UCHL1: variants seen among roughly 807,000 people sequenced by gnomAD.
UCHL1 encodes ubiquitin carboxyl-terminal hydrolase isozyme L1.
In UCHL1, 5 loss-of-function variants were observed where a neutral mutation model predicts 33.3. The ratio of observed to expected loss-of-function variants is 0.15; its 90% CI spans 0.08 to 0.32. The LOEUF (loss-of-function observed/expected upper bound fraction) is 0.32, where lower values mean the gene tolerates loss of function less well. Ranked by LOEUF, UCHL1 falls within the 10% of genes least tolerant of loss-of-function variation. UCHL1 has a pLI of 1.00. For missense variants in UCHL1, 236 were observed against 280.0 expected (o/e 0.84, Z 1.12); for synonymous variants, 132 against 108.8 (o/e 1.21, Z -1.33).
At chr4:41,263,379 G>A in intron 7 of UCHL1, 88 bp downstream of exon 7, 1 of 1,247,240 alleles carries the variant, frequency 8.0e-7, no homozygotes, top group Non-Finnish European at 1.2e-6. Context: ...TGACTTTATG[G>A]CACTTGGCAT....
At chr4:41,267,943 T>G in intron 8 of UCHL1, 44 bp from the exon 9 acceptor site, 109 of 1,560,906 alleles carry the variant, frequency 7.0e-5, no homozygotes, top group Non-Finnish European at 9.0e-5. Context: ...ACTTTCATTT[T>G]GAGCTCTTGC....
chr4:41,257,384 G>T (rs1780995106), intron 2 of UCHL1: 4 of 879,350 alleles, frequency 4.5e-6, no homozygotes, highest in South Asian at 3.7e-5. Flanking sequence ...GGCGTGGCGC[G>T]GGCAGCACAG....
intron 8 of UCHL1, among the ~76,000 whole-genome samples, chr4:41,267,559 T>C (rs1239388634): frequency 6.6e-6 from 1 of 152,228 alleles, no homozygotes; most frequent in Non-Finnish European, 1.5e-5. Flanking sequence ...TTAAGGCTGT[T>C]TTTTAAAATG....
At position 41,268,029 on chromosome 4, in the gene UCHL1, G is replaced by A; in HGVS notation, c.628G>A (p.Gly210Arg). 1 of 1,613,712 alleles carries A rather than the reference G, an allele frequency of 6.2e-7. No homozygotes were observed. The highest frequency in any genetic ancestry group is 8.5e-7 in the Non-Finnish European group (1 of 1,179,864). The change falls in exon 9 of 9, where the codon GGA becomes AGA. Residue 210 changes from glycine (G) to arginine (R), a missense_variant. Transcript: ENST00000284440. ...VCREFTEREQ[G>R]EVRFSAVALC... Reference sequence around the variant, plus strand: ...CAGAGAATTCACCGAGCGTGAGCAAGGAGAAGTCCGCTTCTCTGCCGTGGC... The same window carrying A: ...CAGAGAATTCACCGAGCGTGAGCAAAGAGAAGTCCGCTTCTCTGCCGTGGC...
chr4:41,257,476 C>A, intron 2 of UCHL1, 133 bp from the exon 3 acceptor site: 1 of 1,219,060 alleles, frequency 8.2e-7, no homozygotes, highest in Non-Finnish European at 1.1e-6. Flanking sequence ...GTGGGGGTGG[C>A]AGGGCGGGAC....
At chr4:41,265,449 A>G (rs1781136505) in intron 8 of UCHL1, among the ~76,000 whole-genome samples, 1 of 152,170 alleles carries the variant, frequency 6.6e-6, no homozygotes, top group African/African-American at 2.4e-5. Context: ...CTGGTGGTGC[A>G]TTCCTGTAGT....
intron 7 of UCHL1, 40 bp downstream of exon 7, chr4:41,263,331 T>C (rs758420359): frequency 5.1e-6 from 8 of 1,575,038 alleles, no homozygotes; most frequent in Non-Finnish European, 7.0e-6. Context: ...TGTAGTTTCA[T>C]GTGTTCTTTC....
chr4:41,265,409 C>G (rs947016121), intron 8 of UCHL1, among the ~76,000 whole-genome samples: 1 of 152,134 alleles, frequency 6.6e-6, no homozygotes, highest in African/African-American at 2.4e-5. Context: ...GAAACCCCAT[C>G]TCTACTAAAA....
chr4:41,261,877 C>A lies in UCHL1; in HGVS notation c.413C>A (p.Ala138Asp). The change falls in exon 6 of 9, where the codon GCC (alanine) becomes GAC (aspartate). Residue 138 changes from alanine to aspartate, a missense_variant and splice_region_variant. Coordinates refer to ENST00000284440, the MANE Select transcript of UCHL1 (RefSeq NM_004181.5). ...DRAKCFEKNE[A>D]IQAAHDAVAQ... ...CTAATTATTTTCTTTTTTCCGCAGGCCATACAGGCAGCCCATGATGCCGTG... is the reference window on the plus strand; with the variant it reads ...CTAATTATTTTCTTTTTTCCGCAGGACATACAGGCAGCCCATGATGCCGTG... 6.2e-7 allele frequency: 1 copy of A among 1,614,112 alleles called. No homozygotes were observed. Among genetic ancestry groups the A allele is most frequent in the Non-Finnish European group, 8.5e-7 (1 of 1,180,034 alleles).
At position 41,257,267 on chromosome 4, in the gene UCHL1, G is replaced by GCCTTTCCTGGGCC. The variant is rs1162727683; in HGVS notation, c.45+145_45+157dup. The GCCTTTCCTGGGCC allele has an allele frequency of 3.8e-5, 51 of 1,329,496 alleles. No individual in the cohort carries two copies. In the African/African-American group the frequency reaches 6.9e-4, roughly 18 times the overall value. The allele number at this position is 1,329,496 out of a possible 1,614,324, so 82.4% of individuals were successfully genotyped here. On this transcript the variant is annotated intron_variant, in intron 2 of 8. Coordinates refer to ENST00000284440, the MANE Select transcript of UCHL1 (RefSeq NM_004181.5). Reference sequence around the variant, plus strand: ...GGCCGGGCTGGGGCGTGGGCTGGGCGCCTTTCCTGGGCCCCTGCATTTAGC... The same window carrying GCCTTTCCTGGGCC: ...GGCCGGGCTGGGGCGTGGGCTGGGCGCCTTTCCTGGGCCCCTTTCCTGGGCCCCTGCATTTAGC...
intron 7 of UCHL1, 147 bp downstream of exon 7, chr4:41,263,438 T>A: frequency 1.2e-6 from 1 of 822,340 alleles, no homozygotes; most frequent in South Asian, 1.4e-5. Context: ...TGAGGGCACT[T>A]AACCCCTTAT....
chr4:41,260,943 T>G, intron 4 of UCHL1, 146 bp downstream of exon 4: 4 of 1,225,838 alleles, frequency 3.3e-6, no homozygotes, highest in Admixed American at 3.8e-5. Flanking sequence ...TGACTCACAG[T>G]CCTCCTCAGA....
At chr4:41,257,157 C>T (rs1780988822) in intron 2 of UCHL1, 31 bp downstream of exon 2, 1 of 1,611,708 alleles carries the variant, frequency 6.2e-7, no homozygotes, top group African/African-American at 1.3e-5. Flanking sequence ...TCTCTGGCCC[C>T]CTCCCCCGCG....
rs753389158 is a variant in UCHL1 at position 41,268,133 on chromosome 4, C to T, written c.*60C>T. 3 of 1,467,196 alleles carry T rather than the reference C, an allele frequency of 2.0e-6. No individual in the cohort carries two copies. The highest frequency in any genetic ancestry group is 2.3e-5 in the East Asian group (1 of 43,614). The allele number at this position is 1,467,196 out of a possible 1,614,324, so 90.9% of individuals were successfully genotyped here. A position where few individuals can be genotyped will look rare whatever the true frequency, so the allele number is the denominator to read the frequency against. The stretch of plus-strand genomic sequence containing the variant: ...TTCCCTTCAACATGAAAATATATAC[C>T]CCCCCATGCAGTCTAAAATGCTTCA... On this transcript the variant is annotated 3_prime_UTR_variant, in exon 9 of 9. Coordinates refer to ENST00000284440, the MANE Select transcript of UCHL1 (RefSeq NM_004181.5).
intron 6 of UCHL1, among the ~76,000 whole-genome samples, chr4:41,262,394 T>C (rs1044081069): frequency 6.6e-6 from 1 of 152,124 alleles, no homozygotes; most frequent in African/African-American, 2.4e-5. Context: ...TGCAGTGAGC[T>C]GAGACCATGT....
intron 6 of UCHL1, among the ~76,000 whole-genome samples, chr4:41,262,842 A>C (rs971720088): frequency 6.6e-6 from 1 of 152,094 alleles, no homozygotes; most frequent in Non-Finnish European, 1.5e-5. Flanking sequence ...TTGTGAGCTC[A>C]AGTGATCTGC....
intron 3 of UCHL1, among the ~76,000 whole-genome samples, chr4:41,258,256 C>T (rs1349292379): frequency 1.3e-5 from 2 of 152,206 alleles, no homozygotes; most frequent in African/African-American, 4.8e-5. Context: ...CTCTCTTCTC[C>T]ACTCCCACCA....
chr4:41,265,748 T>G (rs1277914303), intron 8 of UCHL1, among the ~76,000 whole-genome samples: 8 of 152,212 alleles, frequency 5.3e-5, no homozygotes, highest in South Asian at 2.1e-4. Flanking sequence ...GGAAGGTTGA[T>G]TTCTCTCATC....
intron 3 of UCHL1, among the ~76,000 whole-genome samples, chr4:41,259,123 C>T (rs550391315): frequency 2.6e-5 from 4 of 152,304 alleles, no homozygotes; most frequent in Admixed American, 1.3e-4. Context: ...GATACTTTGT[C>T]CTTTAGTTTC....
Sources: gnomAD v4.1 joint callset for allele counts (sites outside exome capture counted in the v4.1 genomes callset) on GRCh38, gnomAD v4.1.1 for gene constraint, MANE v1.5 for transcripts, NCBI Gene and HGNC (gene_info 2026-07-23, HGNC 2026-07-21) for gene names.